The following RBM25 variants were observed in gnomAD, a reference collection of about 807,000 sequenced individuals.
The protein encoded by RBM25 is RNA-binding protein 25.
A neutral mutation model predicts 120.7 loss-of-function variants in RBM25; 19 were observed. That is an observed-to-expected ratio of 0.16 (90% CI 0.11 to 0.23). RBM25 has a LOEUF of 0.23. RBM25 is among the 10% of genes least tolerant of loss of function. The pLI, the probability that RBM25 is intolerant of heterozygous loss-of-function variation, is 1.00. For synonymous variants in RBM25, 390 were observed against 326.7 expected, an observed-to-expected ratio of 1.19 and a Z score of -2.09; for missense variants, 605 against 1,041.5, an observed-to-expected ratio of 0.58 and a Z score of 5.77.
chr14:73,099,684 A>G lies in RBM25; in HGVS notation c.801A>G (p.Ile267Met). Residue 267 changes from isoleucine (I) to methionine (M), a missense_variant, in exon 9 of 19, where the codon ATA becomes ATG. This residue lies in a region of RBM25 where 465 missense variants were observed against 741.6 expected (regional missense o/e 0.63). Coordinates refer to ENST00000261973, the MANE Select transcript of RBM25 (RefSeq NM_021239.3). Reference protein sequence around the residue: ...PLITKEDINAIEMEEDKRDLI... With the variant: ...PLITKEDINAMEMEEDKRDLI... ...TCTTTTAGGAGGATATAAATGCTATAGAAATGGAAGAAGACAAAAGAGACC... is the reference window on the plus strand; with the variant it reads ...TCTTTTAGGAGGATATAAATGCTATGGAAATGGAAGAAGACAAAAGAGACC... 1 of 1,604,086 alleles carries G rather than the reference A, an allele frequency of 6.2e-7. No homozygotes were observed. Among genetic ancestry groups the G allele is most frequent in the East Asian group, 2.2e-5 (1 of 44,732 alleles).
intron 9 of RBM25, chr14:73,100,017 C>G: frequency 2.1e-6 from 1 of 475,518 alleles, no homozygotes. Context: ...TTTTAGATTT[C>G]AACATAAACA....
intron 2 of RBM25, 152 bp from the exon 3 acceptor site, chr14:73,076,167 T>G (rs1424125078): frequency 3.0e-6 from 2 of 676,246 alleles, no homozygotes; most frequent in Non-Finnish European, 5.0e-6. Context: ...ACCACATTCC[T>G]TTTGAAAATA....
In RBM25 at chr14:73,111,054, G is replaced by A; in HGVS notation, c.1916G>A (p.Gly639Glu). The change falls in exon 15 of 19, where the codon GGG becomes GAG. Residue 639 changes from glycine to glutamate, a missense_variant. Gly to Glu is a moderately conservative substitution (Grantham distance 98, BLOSUM62 -2). Coordinates refer to ENST00000261973, the MANE Select transcript of RBM25 (RefSeq NM_021239.3). ...GGCAATGCAACACCTAACACTCCTG[G>A]GGATGAGTCTCCCTGTGGTATTATT... is the stretch of plus-strand genomic sequence containing the variant. ...ASGNATPNTP[G>E]DESPCGIIIP... The A allele has an allele frequency of 6.2e-7, 1 of 1,614,094 alleles. No individual in the cohort carries two copies. Among genetic ancestry groups the A allele is most frequent in the Non-Finnish European group, 8.5e-7 (1 of 1,180,012 alleles).
Position 73,082,918 on chromosome 14 carries a change from A to C in RBM25, c.325-576A>C, listed in dbSNP as rs1008975055. On this transcript the variant is annotated intron_variant, in intron 4 of 18. Transcript: ENST00000261973. ...CTACTAAAAATAAATAAAAAAAAAA[A>C]AACAAAAAACAATTATCCAGGCGTG... Among the ~76,000 whole-genome samples, 23 of 151,640 alleles carry C rather than the reference A, an allele frequency of 1.5e-4. No homozygotes were observed. In the East Asian group the frequency reaches 2.3e-3, roughly 15 times the overall value.
chr14:73,080,632 ATAT>A (rs765684788), intron 4 of RBM25, among the ~76,000 whole-genome samples: 1 of 151,916 alleles, frequency 6.6e-6, no homozygotes, highest in African/African-American at 2.4e-5. Context: ...CATAATTTTG[ATAT>A]TATCTGTTGA....
chr14:73,082,223 T>C (rs1038718597), intron 4 of RBM25, among the ~76,000 whole-genome samples: 2 of 152,226 alleles, frequency 1.3e-5, no homozygotes, highest in Non-Finnish European at 2.9e-5. Flanking sequence ...CCATTAGTTT[T>C]CTCTTGTTCT....
intron 1 of RBM25, chr14:73,065,118 TTTTGTTTG>T (rs548325946): frequency 0.011 from 1,663 of 149,600 alleles, 42 homozygotes; most frequent in African/African-American, 0.038. Flanking sequence ...ACCTGGCTAA[TTTTGTTTG>T]TTTGTTTGTT....
intron 1 of RBM25, among the ~76,000 whole-genome samples, chr14:73,067,894 C>A (rs576292574): frequency 2.0e-5 from 3 of 151,916 alleles, no homozygotes; most frequent in African/African-American, 7.3e-5. Flanking sequence ...CCACCGCGCC[C>A]GGCCTGTATT....
chr14:73,116,421 G>A (rs1896428538), intron 18 of RBM25, among the ~76,000 whole-genome samples: 1 of 152,192 alleles, frequency 6.6e-6, no homozygotes, highest in Non-Finnish European at 1.5e-5. Flanking sequence ...GGATTGTGAG[G>A]TCTAGCTGCT....
intron 2 of RBM25, among the ~76,000 whole-genome samples, chr14:73,073,107 T>G (rs1895332954): frequency 6.6e-6 from 1 of 152,052 alleles, no homozygotes; most frequent in Non-Finnish European, 1.5e-5. Context: ...AAAAAACATT[T>G]TATAAAGATG....
In RBM25 at chr14:73,102,929, A is replaced by T. The variant is rs929566425; in HGVS notation, c.868-263A>T. ...TGGTCATTTTAGTTAGTACATAGTC[A>T]TTGAGTGGCCAGCCACACCTGACAC... is the stretch of plus-strand genomic sequence containing the variant. On this transcript the variant is annotated intron_variant, in intron 9 of 18. Transcript: ENST00000261973. 1.4e-5 allele frequency: 7 copies of T among 501,906 alleles called. No homozygotes were observed. The South Asian group carries it at 2.1e-4, about 15-fold the overall frequency. 31.1% of individuals were successfully genotyped at this position (501,906 alleles called of 1,614,324 possible).
In RBM25 at chr14:73,088,158, T is replaced by C. The variant is rs775435832; in HGVS notation, c.540T>C (p.Asn180=). The C allele has an allele frequency of 4.3e-6, 7 of 1,614,040 alleles. No homozygotes were observed. In the Admixed American group the frequency reaches 6.7e-5, roughly 15 times the overall value. ...GGAAAGCAAAGAAGAAAGCTTCTAA[T>C]GGGGTATGTTTTCTGTCGTGTTATC... The part of the protein sequence containing the change: ...DEWKAKKKAS[N]GNARPETVTN... The change falls in exon 6 of 19, where the codon AAT becomes AAC. Residue 180 remains asparagine (N), a synonymous_variant. Transcript: ENST00000261973.
intron 18 of RBM25, among the ~76,000 whole-genome samples, chr14:73,114,985 A>G (rs1285365786): frequency 6.6e-6 from 1 of 152,238 alleles, no homozygotes; most frequent in South Asian, 2.1e-4. Flanking sequence ...TAAAAGTAGA[A>G]CAAATGACCT....
At chr14:73,059,416 C>A (rs538089343) in intron 1 of RBM25, 168 of 152,262 alleles carry the variant, frequency 1.1e-3, no homozygotes, top group African/African-American at 3.9e-3. Context: ...ATGTTACTTT[C>A]TCATTTTTCT....
chr14:73,099,550 G>A, intron 8 of RBM25, 117 bp downstream of exon 8: 2 of 1,581,774 alleles, frequency 1.3e-6, no homozygotes, highest in Non-Finnish European at 1.7e-6. Flanking sequence ...TTGTTATTGT[G>A]GATATTCTGT....
rs761684918 is a variant in RBM25, at chr14:73,103,373, A to T, written c.1049A>T (p.Asp350Val). The T allele has an allele frequency of 3.1e-6, 5 of 1,610,372 alleles. No homozygotes were observed. The highest frequency in any genetic ancestry group is 3.4e-6 in the Non-Finnish European group (4 of 1,178,144). The stretch of plus-strand genomic sequence containing the variant: ...GAGCGGGAACGAGAACGGGATAGGG[A>T]CCGTGACCGGACAAAAGAGAGAGAC... ...ERERERERDR[D>V]RDRTKERDRD... Residue 350 changes from aspartate (D) to valine (V), a missense_variant, in exon 10 of 19, where the codon GAC becomes GTC. Physicochemically the swap from Asp to Val is radical, Grantham distance 152 (BLOSUM62 -3). Transcript: ENST00000261973.
chr14:73,112,874 G>A (rs978402914), intron 17 of RBM25, among the ~76,000 whole-genome samples: 1 of 151,998 alleles, frequency 6.6e-6, no homozygotes, highest in Non-Finnish European at 1.5e-5. Flanking sequence ...CGCAATCATG[G>A]CTCACTGCAG....
At chr14:73,098,522 A>G (rs1895996113) in intron 7 of RBM25, among the ~76,000 whole-genome samples, 1 of 152,190 alleles carries the variant, frequency 6.6e-6, no homozygotes, top group South Asian at 2.1e-4. Flanking sequence ...TACATTTTAT[A>G]TTATTTTAAA....
At chr14:73,065,091 C>G (rs78354522) in intron 1 of RBM25, 20,940 of 149,840 alleles carry the variant, frequency 0.14, 2,600 homozygotes, top group East Asian at 0.42. Context: ...GCTGGGATTA[C>G]AGGTGCGCAC....
Sources: gnomAD v4.1 joint callset for allele counts (sites outside exome capture counted in the v4.1 genomes callset) on GRCh38, gnomAD v4.1.1 for gene constraint, gnomAD v4.1.1 regional missense constraint, MANE v1.5 for transcripts, NCBI Gene and HGNC (gene_info 2026-07-23, HGNC 2026-07-21) for gene names.